The following NF1 variants were observed in gnomAD, a reference collection of about 807,000 sequenced individuals.
NF1 encodes neurofibromin 1, also known as neurofibromin.
Under a neutral mutation model 325.7 loss-of-function variants are expected in NF1, and 122 were observed. The observed-to-expected ratio is 0.37, with a 90% CI of 0.32 to 0.44. The LOEUF (loss-of-function observed/expected upper bound fraction) is 0.44. Ranked by LOEUF, NF1 falls within the 20% of genes least tolerant of loss-of-function variation. The pLI, the probability that NF1 is intolerant of heterozygous loss-of-function variation, is 1.00. For synonymous variants in NF1, 1,091 were observed against 1,186.0 expected (o/e 0.92, Z 1.65); for missense variants, 2,140 against 3,415.4 (o/e 0.63, Z 9.31).
Position 31,327,802 on chromosome 17 carries a change from G to A in NF1, c.5572G>A (p.Ala1858Thr), listed in dbSNP as rs786203416. The A allele has an allele frequency of 3.1e-6, 5 of 1,614,026 alleles. No individual in the cohort carries two copies. The highest frequency in any genetic ancestry group is 2.5e-6 in the Non-Finnish European group (3 of 1,179,996). Residue 1858 changes from alanine to threonine, a missense_variant, in exon 38 of 58, where the codon GCA (alanine) becomes ACA (threonine). Ala to Thr is a moderately conservative substitution (Grantham distance 58, BLOSUM62 0). Coordinates refer to ENST00000358273, the MANE Select transcript of NF1 (RefSeq NM_001042492.3). Reference sequence around the variant, plus strand: ...TGTCCCTGGGACACTGCTCAATATCGCATTACTTAATTTAGGCAGTTCTGA... The same window carrying A: ...TGTCCCTGGGACACTGCTCAATATCACATTACTTAATTTAGGCAGTTCTGA... ...KDVPGTLLNIALLNLGSSDPS... is the reference protein window; with the variant it reads ...KDVPGTLLNITLLNLGSSDPS...
At position 31,095,287 on chromosome 17, in the gene NF1, C is replaced by A. The variant is rs1415943041; in HGVS notation, c.-23C>A. 2 of 1,534,996 alleles carry A rather than the reference C, an allele frequency of 1.3e-6. No homozygotes were observed. The highest frequency in any genetic ancestry group is 1.4e-5 in the African/African-American group (1 of 72,850). On this transcript the variant is annotated 5_prime_UTR_variant, in exon 1 of 58. Coordinates refer to ENST00000358273, the MANE Select transcript of NF1 (RefSeq NM_001042492.3). ...GGCGCCGGCCCACCCTTCCCTCCGC[C>A]GCCCCCCGGCCGCGGGGAGGACATG... is the stretch of plus-strand genomic sequence containing the variant.
At chr17:31,098,525 T>C (rs915357618) in intron 1 of NF1, among the ~76,000 whole-genome samples, 2 of 152,072 alleles carry the variant, frequency 1.3e-5, no homozygotes, top group East Asian at 3.9e-4. Context: ...CCACCACTCC[T>C]GGATAACATT....
chr17:31,113,365 T>C (rs1351629069), intron 1 of NF1, among the ~76,000 whole-genome samples: 1 of 152,018 alleles, frequency 6.6e-6, no homozygotes, highest in East Asian at 1.9e-4. Flanking sequence ...CTGAAGTGAT[T>C]CTCCCAAGAA....
intron 1 of NF1, among the ~76,000 whole-genome samples, chr17:31,119,576 G>T (rs1914258033): frequency 6.6e-6 from 1 of 151,896 alleles, no homozygotes; most frequent in Non-Finnish European, 1.5e-5. Context: ...ATTCACTCAT[G>T]ATAGTTTCTT....
chr17:31,360,266 A>C (rs947826940), intron 56 of NF1: 3 of 562,414 alleles, frequency 5.3e-6, no homozygotes, highest in African/African-American at 1.9e-5. Flanking sequence ...CATGGCTTTC[A>C]GAAAATGCAG....
chr17:31,246,159 G>T (rs981762805), intron 29 of NF1, among the ~76,000 whole-genome samples: 1 of 152,154 alleles, frequency 6.6e-6, no homozygotes, highest in African/African-American at 2.4e-5. Context: ...AGGTCAAAAG[G>T]CAATTGTTGA....
chr17:31,201,637 G>A, intron 11 of NF1, 152 bp downstream of exon 11: 1 of 649,178 alleles, frequency 1.5e-6, no homozygotes, highest in South Asian at 1.9e-5. Context: ...GATTCTATTT[G>A]ATAATTGATA....
intron 36 of NF1, chr17:31,318,815 C>A (rs561401843): frequency 6.2e-7 from 1 of 1,613,890 alleles, no homozygotes; most frequent in South Asian, 1.1e-5. Flanking sequence ...TAATCTACTT[C>A]AGGAGTTATA....
At chr17:31,132,413 G>A (rs1034409116) in intron 1 of NF1, among the ~76,000 whole-genome samples, 1 of 151,968 alleles carries the variant, frequency 6.6e-6, no homozygotes, top group Admixed American at 6.6e-5. Context: ...GGTGGCAGAC[G>A]CCTGTAATCC....
intron 12 of NF1, among the ~76,000 whole-genome samples, chr17:31,207,401 A>G (rs1263736383): frequency 2.0e-5 from 3 of 152,108 alleles, no homozygotes; most frequent in Admixed American, 6.6e-5. Context: ...TCTTTTTCCA[A>G]GTCCCCTTAG....
At chr17:31,168,252 C>T (rs2065876366) in intron 4 of NF1, among the ~76,000 whole-genome samples, 1 of 151,972 alleles carries the variant, frequency 6.6e-6, no homozygotes, top group South Asian at 2.1e-4. Context: ...TCTCTTCTTC[C>T]CTTTTCAGTA....
intron 11 of NF1, among the ~76,000 whole-genome samples, chr17:31,205,632 G>A (rs2066606285): frequency 6.6e-6 from 1 of 152,110 alleles, no homozygotes; most frequent in Admixed American, 6.6e-5. Context: ...GGATCAGTTT[G>A]TCTTTGTTTA....
In NF1 at chr17:31,349,086, CTTGTTTGTTTGT is replaced by C. The variant is rs149197458; in HGVS notation, c.7190-19_7190-8del. 1.8e-3 allele frequency: 2,859 copies of C among 1,550,904 alleles called. 44 individuals are homozygous for C. The African/African-American group carries it at 0.032, about 18-fold the overall frequency. The stretch of plus-strand genomic sequence containing the variant: ...TGCTTGTTCAAAAAATTAATTCTTA[CTTGTTTGTTTGT>C]TTGTTTGTTTGTTTTTTGTAGGGTA... On this transcript the variant is annotated intron_variant, in intron 48 of 57. Coordinates refer to ENST00000358273, the MANE Select transcript of NF1 (RefSeq NM_001042492.3).
chr17:31,231,736 T>TC (rs1319148082), intron 24 of NF1, among the ~76,000 whole-genome samples: 1 of 152,100 alleles, frequency 6.6e-6, no homozygotes, highest in Admixed American at 6.5e-5. Context: ...TCCTTTTTTT[T>TC]CCCCCAAATA....
intron 39 of NF1, among the ~76,000 whole-genome samples, chr17:31,332,957 A>G (rs2069544645): frequency 6.6e-6 from 1 of 152,168 alleles, no homozygotes; most frequent in African/African-American, 2.4e-5. Context: ...AAAAAAAGAA[A>G]AAAGCCAGGC....
intron 1 of NF1, among the ~76,000 whole-genome samples, chr17:31,104,097 C>T (rs1042852975): frequency 2.0e-5 from 3 of 152,062 alleles, no homozygotes; most frequent in African/African-American, 7.2e-5. Context: ...CCCAACCAAA[C>T]ATTTTGTCCT....
chr17:31,260,599 T>C, intron 34 of NF1, 84 bp downstream of exon 34: 2 of 1,444,860 alleles, frequency 1.4e-6, no homozygotes, highest in Non-Finnish European at 1.9e-6. Flanking sequence ...ATAGTGCTTT[T>C]TACTTTGCAT....
intron 3 of NF1, among the ~76,000 whole-genome samples, chr17:31,159,884 T>A (rs748372508): frequency 2.0e-5 from 3 of 152,262 alleles, no homozygotes; most frequent in Middle Eastern, 6.8e-3. Context: ...TTTGTTTTGA[T>A]TCAGAATTGC....
At chr17:31,129,631 A>G (rs1018793094) in intron 1 of NF1, among the ~76,000 whole-genome samples, 2 of 151,978 alleles carry the variant, frequency 1.3e-5, no homozygotes, top group Non-Finnish European at 2.9e-5. Flanking sequence ...GGGTTTCACC[A>G]TGTTGACCAG....
Sources: gnomAD v4.1 joint callset for allele counts (sites outside exome capture counted in the v4.1 genomes callset) on GRCh38, gnomAD v4.1.1 for gene constraint, MANE v1.5 for transcripts, NCBI Gene and HGNC (gene_info 2026-07-23, HGNC 2026-07-21) for gene names.